The following RAB1A variants were observed in gnomAD, a reference collection of about 807,000 sequenced individuals.
The protein encoded by RAB1A is ras-related protein Rab-1A.
In RAB1A, 2 loss-of-function variants were observed where a neutral mutation model predicts 26.0. That is an observed-to-expected ratio of 0.08 (90% CI 0.03 to 0.24). The LOEUF (loss-of-function observed/expected upper bound fraction) is 0.24. Ranked by LOEUF, RAB1A falls within the 10% of genes least tolerant of loss-of-function variation. The pLI is 1.00. For missense variants in RAB1A, 100 were observed against 247.0 expected (o/e 0.40, Z 3.99); for synonymous variants, 84 against 84.9 (o/e 0.99, Z 0.06).
chr2:65,129,942 C>T lies in RAB1A; in HGVS notation c.-27G>A. 6.3e-7 allele frequency: 1 copy of T among 1,581,554 alleles called. No homozygotes were observed. On this transcript the variant is annotated 5_prime_UTR_variant, in exon 1 of 6. Transcript: ENST00000409784. ...TCACTGCAGCTGCCGCCGCCGCCAC[C>T]GCCGCCCTTGCTGCCGCAGCCGCCG... is the stretch of plus-strand genomic sequence containing the variant.
chr2:65,105,984 T>C (rs1669547551), intron 1 of RAB1A, among the ~76,000 whole-genome samples: 1 of 152,076 alleles, frequency 6.6e-6, no homozygotes, highest in Admixed American at 6.6e-5. Flanking sequence ...ATGGTCTCGA[T>C]CTCCTGACCT....
At chr2:65,103,304 A>AAAAAAAAAC (rs1553392772) in intron 2 of RAB1A, among the ~76,000 whole-genome samples, 2 of 112,502 alleles carry the variant, frequency 1.8e-5, no homozygotes, top group Non-Finnish European at 3.6e-5. Flanking sequence ...TGTCTCAAAA[A>AAAAAAAAAC]AAAAAAAAAA....
At chr2:65,128,247 C>T (rs1439601569) in intron 1 of RAB1A, among the ~76,000 whole-genome samples, 1 of 152,070 alleles carries the variant, frequency 6.6e-6, no homozygotes, top group Non-Finnish European at 1.5e-5. Context: ...GGCTGAGTAA[C>T]TTGTCAAAGT....
At chr2:65,109,444 C>A (rs1393923170) in intron 1 of RAB1A, among the ~76,000 whole-genome samples, 1 of 152,148 alleles carries the variant, frequency 6.6e-6, no homozygotes, top group Non-Finnish European at 1.5e-5. Context: ...TGGCTCACAC[C>A]TGTAATCCCA....
At chr2:65,121,847 T>C (rs1462891168) in intron 1 of RAB1A, among the ~76,000 whole-genome samples, 7 of 152,114 alleles carry the variant, frequency 4.6e-5, no homozygotes, top group African/African-American at 7.2e-5. Flanking sequence ...CAAAATGTAG[T>C]GGCGACAAAG....
chr2:65,089,786 T>C (rs1669127285), intron 4 of RAB1A, among the ~76,000 whole-genome samples: 2 of 150,498 alleles, frequency 1.3e-5, no homozygotes, highest in South Asian at 4.2e-4. Flanking sequence ...CACTGCAACC[T>C]CTGCCCGCTG....
At chr2:65,097,326 G>A (rs919339255) in intron 3 of RAB1A, among the ~76,000 whole-genome samples, 4 of 152,160 alleles carry the variant, frequency 2.6e-5, no homozygotes, top group Middle Eastern at 6.8e-3. Flanking sequence ...GGCTGGGGGT[G>A]TAAAGATGGA....
intron 1 of RAB1A, among the ~76,000 whole-genome samples, chr2:65,122,155 C>A (rs13023859): frequency 0.051 from 1,621 of 31,708 alleles, 157 homozygotes; most frequent in African/African-American, 0.11. Flanking sequence ...GACTCTATCT[C>A]AAAAAAAAAA....
intron 1 of RAB1A, among the ~76,000 whole-genome samples, chr2:65,115,472 T>C (rs13409078): frequency 0.16 from 24,363 of 152,228 alleles, 2,097 homozygotes; most frequent in African/African-American, 0.22. Flanking sequence ...AACCTTCAGG[T>C]TGAAACACTT....
chr2:65,091,692 A>T (rs1427978959), intron 3 of RAB1A, among the ~76,000 whole-genome samples: 1 of 151,968 alleles, frequency 6.6e-6, no homozygotes, highest in Non-Finnish European at 1.5e-5. Flanking sequence ...CACCCGGCTA[A>T]TTTTTTCTTT....
chr2:65,121,179 A>G (rs1669955230), intron 1 of RAB1A, among the ~76,000 whole-genome samples: 1 of 143,792 alleles, frequency 7.0e-6, no homozygotes, highest in South Asian at 2.3e-4. Flanking sequence ...GACTGCAGTG[A>G]GCCATGACTG....
Position 65,087,765 on chromosome 2 carries a change from A to G in RAB1A, c.*728T>C, listed in dbSNP as rs185120684. ...GATGCTGCTCTAAGATAGGTCTAGA[A>G]TACCTTAGTTTGCATTGTGCACACA... On this transcript the variant is annotated 3_prime_UTR_variant, in exon 6 of 6. Coordinates refer to ENST00000409784, the MANE Select transcript of RAB1A (RefSeq NM_004161.5). 6.5e-6 allele frequency: 1 copy of G among 152,804 alleles called. No individual in the cohort carries two copies. The highest frequency in any genetic ancestry group is 2.4e-5 in the African/African-American group (1 of 41,576). The allele number at this position is 152,804 out of a possible 1,614,324, so 9.5% of individuals were successfully genotyped here. A position where few individuals can be genotyped will look rare whatever the true frequency, so the allele number is the denominator to read the frequency against.
intron 1 of RAB1A, among the ~76,000 whole-genome samples, chr2:65,120,512 C>T (rs1669938812): frequency 6.8e-6 from 1 of 147,102 alleles, no homozygotes; most frequent in African/African-American, 2.5e-5. Flanking sequence ...AGATTTAAAG[C>T]TAAGCTTTGT....
intron 3 of RAB1A, among the ~76,000 whole-genome samples, chr2:65,095,696 G>A (rs888202866): frequency 4.0e-5 from 6 of 150,448 alleles, no homozygotes; most frequent in Non-Finnish European, 8.9e-5. Flanking sequence ...TAGCTATTTC[G>A]AAAAAATGGT....
Position 65,104,604 on chromosome 2 carries a change from A to T in RAB1A, c.96+130T>A, listed in dbSNP as rs999763639. The T allele has an allele frequency of 4.3e-6, 3 of 695,202 alleles. No homozygotes were observed. The Admixed American group carries it at 8.8e-5, about 20-fold the overall frequency. The allele number at this position is 695,202 out of a possible 1,614,324, so 43.1% of individuals were successfully genotyped here. A position where few individuals can be genotyped will look rare whatever the true frequency, so the allele number is the denominator to read the frequency against. On this transcript the variant is annotated intron_variant, in intron 2 of 5. Coordinates refer to ENST00000409784, the MANE Select transcript of RAB1A (RefSeq NM_004161.5). ...GATACCACTGGGGATGTATATTTGG[A>T]GTCTTTAAATATATAAATTCTGGAA...
At chr2:65,110,297 C>T (rs1355580487) in intron 1 of RAB1A, among the ~76,000 whole-genome samples, 4 of 151,908 alleles carry the variant, frequency 2.6e-5, no homozygotes, top group Admixed American at 6.6e-5. Flanking sequence ...AAAAATTAGA[C>T]GGGTGTGGCG....
intron 1 of RAB1A, among the ~76,000 whole-genome samples, chr2:65,121,453 G>C (rs886770627): frequency 6.6e-6 from 1 of 152,138 alleles, no homozygotes; most frequent in Non-Finnish European, 1.5e-5. Flanking sequence ...TAATAAAGCA[G>C]TGTAGGGTGT....
chr2:65,127,244 C>T (rs1670121200), intron 1 of RAB1A, among the ~76,000 whole-genome samples: 1 of 152,090 alleles, frequency 6.6e-6, no homozygotes, highest in African/African-American at 2.4e-5. Flanking sequence ...CTTCTTCTCC[C>T]CCTTGAAAAT....
chr2:65,124,190 T>C (rs762526869), intron 1 of RAB1A, among the ~76,000 whole-genome samples: 1 of 152,140 alleles, frequency 6.6e-6, no homozygotes, highest in African/African-American at 2.4e-5. Context: ...TTTCACCACA[T>C]TGGCCAGGCC....
Sources: allele counts gnomAD v4.1 joint callset (sites outside exome capture counted in the v4.1 genomes callset), GRCh38; gene constraint gnomAD v4.1.1; transcripts MANE v1.5; gene names NCBI Gene and HGNC (gene_info 2026-07-23, HGNC 2026-07-21).